The following RASAL2 variants were observed in gnomAD, a reference collection of about 807,000 sequenced individuals.
The protein encoded by RASAL2 is ras GTPase-activating protein nGAP.
In RASAL2, 58 loss-of-function variants were observed where a neutral mutation model predicts 128.9. The observed-to-expected ratio is 0.45, with a 90% CI of 0.36 to 0.56. RASAL2 has a LOEUF of 0.56. Among genes scored for constraint, RASAL2 ranks in the 20% least tolerant of loss-of-function variants. The pLI, the probability that RASAL2 is intolerant of heterozygous loss-of-function variation, is 0.00. For synonymous variants in RASAL2, 561 were observed against 580.8 expected (o/e 0.97, Z 0.49); for missense variants, 1,360 against 1,601.6 (o/e 0.85, Z 2.57).
intron 4 of RASAL2, among the ~76,000 whole-genome samples, chr1:178,410,171 G>A (rs1030224190): frequency 2.0e-5 from 3 of 152,102 alleles, no homozygotes; most frequent in East Asian, 1.9e-4. Context: ...AGGTTGAAGA[G>A]TAGATTAATG....
intron 1 of RASAL2, among the ~76,000 whole-genome samples, chr1:178,272,557 A>T (rs1245454132): frequency 1.3e-5 from 2 of 152,080 alleles, no homozygotes; most frequent in Non-Finnish European, 1.5e-5. Context: ...TCTCTGTAAT[A>T]TGAATATATT....
At chr1:178,133,692 C>G (rs1186001136) in intron 1 of RASAL2, among the ~76,000 whole-genome samples, 1 of 152,058 alleles carries the variant, frequency 6.6e-6, no homozygotes, top group Non-Finnish European at 1.5e-5. Flanking sequence ...GAAAGCCTTT[C>G]CACAGGGCAA....
chr1:178,321,455 A>G (rs771559513), intron 3 of RASAL2, among the ~76,000 whole-genome samples: 2 of 151,832 alleles, frequency 1.3e-5, no homozygotes. Flanking sequence ...ATTACCCCCA[A>G]CTATCAGAGA....
At chr1:178,097,546 G>A (rs1658738100) in intron 1 of RASAL2, among the ~76,000 whole-genome samples, 1 of 152,192 alleles carries the variant, frequency 6.6e-6, no homozygotes, top group African/African-American at 2.4e-5. Flanking sequence ...AAGATAGGAA[G>A]ATGAGTATGG....
At chr1:178,337,238 A>G (rs1030571150) in intron 3 of RASAL2, among the ~76,000 whole-genome samples, 3 of 152,230 alleles carry the variant, frequency 2.0e-5, no homozygotes, top group Non-Finnish European at 4.4e-5. Flanking sequence ...TGCTAACCAT[A>G]TGAATTAACA....
chr1:178,246,511 A>G (rs1664772535), intron 1 of RASAL2, among the ~76,000 whole-genome samples: 1 of 152,182 alleles, frequency 6.6e-6, no homozygotes, highest in African/African-American at 2.4e-5. Flanking sequence ...TGTCGTCTGC[A>G]AACAGAGACA....
intron 1 of RASAL2, among the ~76,000 whole-genome samples, chr1:178,253,621 A>C (rs1451456273): frequency 1.3e-5 from 2 of 152,034 alleles, no homozygotes; most frequent in Non-Finnish European, 2.9e-5. Context: ...CTGTTTTATA[A>C]GATTTGGGTA....
intron 1 of RASAL2, among the ~76,000 whole-genome samples, chr1:178,214,502 G>T (rs561064026): frequency 7.2e-4 from 109 of 151,978 alleles, no homozygotes; most frequent in Middle Eastern, 6.9e-3. Context: ...GTTTCACATA[G>T]TAGCTGCCAT....
chr1:178,251,265 C>G (rs978186702), intron 1 of RASAL2, among the ~76,000 whole-genome samples: 1 of 152,176 alleles, frequency 6.6e-6, no homozygotes, highest in African/African-American at 2.4e-5. Context: ...GAGAAAGGTA[C>G]TATGTAAGCT....
intron 1 of RASAL2, among the ~76,000 whole-genome samples, chr1:178,169,685 A>T (rs1661639850): frequency 6.6e-6 from 1 of 152,008 alleles, no homozygotes; most frequent in Admixed American, 6.6e-5. Context: ...TGTTGAAATT[A>T]TCCTTCAGAA....
intron 1 of RASAL2, among the ~76,000 whole-genome samples, chr1:178,153,974 T>A (rs1385837523): frequency 6.6e-6 from 1 of 152,068 alleles, no homozygotes; most frequent in Non-Finnish European, 1.5e-5. Context: ...TAGCTGGGAT[T>A]ATAGGCGCCC....
At chr1:178,255,702 T>C (rs1186078768) in intron 1 of RASAL2, among the ~76,000 whole-genome samples, 1 of 151,764 alleles carries the variant, frequency 6.6e-6, no homozygotes, top group African/African-American at 2.4e-5. Flanking sequence ...TTTTAAAAAA[T>C]GAAAAATAAC....
intron 1 of RASAL2, among the ~76,000 whole-genome samples, chr1:178,187,141 A>G (rs1662331549): frequency 6.6e-6 from 1 of 151,644 alleles, no homozygotes. Flanking sequence ...TTCTTCAACT[A>G]TATTTGTTTC....
intron 17 of RASAL2, chr1:178,470,771 G>A: frequency 1.5e-6 from 2 of 1,338,958 alleles, no homozygotes; most frequent in Non-Finnish European, 2.0e-6. Flanking sequence ...TCCCAGCCCT[G>A]GCCCAGTGCA....
chr1:178,335,861 C>T (rs902470226), intron 3 of RASAL2, among the ~76,000 whole-genome samples: 1 of 151,794 alleles, frequency 6.6e-6, no homozygotes, highest in Non-Finnish European at 1.5e-5. Context: ...AATATGCAAG[C>T]TCCTTTATAA....
chr1:178,237,055 C>T lies in RASAL2; in HGVS notation c.203-46509C>T, dbSNP rs367736879. On this transcript the variant is annotated intron_variant, in intron 1 of 17. Coordinates refer to ENST00000367649, the MANE Select transcript of RASAL2 (RefSeq NM_170692.4). ...CTGGAATTACAGGTGTGAGCCAGCG[C>T]GCCCAGCCTCCCTGAGTACTTTAAA... 3.6e-4 allele frequency among the ~76,000 whole-genome samples: 55 copies of T among 152,050 alleles called. 1 individual carries two copies. Among genetic ancestry groups the T allele is most frequent in the Non-Finnish European group, 4.1e-4 (28 of 68,016 alleles).
chr1:178,283,190 A>G (rs951395707), intron 1 of RASAL2, among the ~76,000 whole-genome samples: 25 of 152,178 alleles, frequency 1.6e-4, no homozygotes, highest in African/African-American at 5.6e-4. Flanking sequence ...TGTACATGTA[A>G]CATCATCTTT....
chr1:178,343,907 A>G (rs1372710811), intron 3 of RASAL2, among the ~76,000 whole-genome samples: 1 of 152,108 alleles, frequency 6.6e-6, no homozygotes, highest in Non-Finnish European at 1.5e-5. Context: ...TTCATTTGAT[A>G]ATTTAATATG....
Position 178,475,330 on chromosome 1 carries a change from G to A in RASAL2, c.*2091G>A, listed in dbSNP as rs540447356. ...TTCTTACACCTTCTCTCCAAGCGGA[G>A]GGCACACTGTGGTCAAAATCACTTA... On this transcript the variant is annotated 3_prime_UTR_variant, in exon 18 of 18. Transcript: ENST00000367649. 2.6e-5 allele frequency: 4 copies of A among 152,282 alleles called. No homozygotes were observed. The South Asian group carries it at 8.3e-4, about 32-fold the overall frequency. 9.4% of individuals were successfully genotyped at this position (152,282 alleles called of 1,614,324 possible).
Sources: gnomAD v4.1 joint callset for allele counts (sites outside exome capture counted in the v4.1 genomes callset) on GRCh38, gnomAD v4.1.1 for gene constraint, MANE v1.5 for transcripts, NCBI Gene and HGNC (gene_info 2026-07-23, HGNC 2026-07-21) for gene names.